Variants in RANBP17 observed in about 807,000 individuals in gnomAD.
The protein encoded by RANBP17 is ran-binding protein 17.
Under a neutral mutation model 141.2 loss-of-function variants are expected in RANBP17, and 158 were observed. That is an observed-to-expected ratio of 1.12 (90% CI 0.98 to 1.28). RANBP17 has a LOEUF of 1.28. Ranked by LOEUF, RANBP17 falls within the 50% of genes most tolerant of loss-of-function variation. RANBP17 has a pLI of 0.00. For synonymous variants in RANBP17, 430 were observed against 450.0 expected (o/e 0.96, Z 0.56); for missense variants, 1,438 against 1,290.7 (o/e 1.11, Z -1.75).
chr5:171,012,564 GTATC>G lies in RANBP17; in HGVS notation c.1710+44189_1710+44192del, dbSNP rs896473174. ...TTACTGAGAAGAATCATTGGGCAAA[GTATC>G]TCTTCATCTTTTAAGAAGTTTGCTT... is the stretch of plus-strand genomic sequence containing the variant. On this transcript the variant is annotated intron_variant, in intron 14 of 27. Transcript: ENST00000523189. 1.6e-4 allele frequency among the ~76,000 whole-genome samples: 25 copies of G among 152,230 alleles called. No homozygotes were observed. In the East Asian group the frequency reaches 4.8e-3, roughly 29 times the overall value.
intron 14 of RANBP17, among the ~76,000 whole-genome samples, chr5:171,004,476 C>A (rs1485970557): frequency 6.6e-6 from 1 of 152,066 alleles, no homozygotes; most frequent in African/African-American, 2.4e-5. Flanking sequence ...GCCATCAATA[C>A]CCACAACAGT....
intron 14 of RANBP17, among the ~76,000 whole-genome samples, chr5:171,057,783 G>T (rs529047855): frequency 6.6e-6 from 1 of 152,002 alleles, no homozygotes; most frequent in Non-Finnish European, 1.5e-5. Context: ...GTGCAAGCAG[G>T]GGTAATGCCA....
intron 14 of RANBP17, among the ~76,000 whole-genome samples, chr5:170,997,916 A>G (rs1309751509): frequency 6.6e-6 from 1 of 152,044 alleles, no homozygotes; most frequent in African/African-American, 2.4e-5. Flanking sequence ...TGTATTTTCC[A>G]GTATTATTTC....
chr5:170,946,669 G>C (rs969232191), intron 12 of RANBP17, among the ~76,000 whole-genome samples: 1 of 152,002 alleles, frequency 6.6e-6, no homozygotes, highest in Non-Finnish European at 1.5e-5. Flanking sequence ...ACCTTATTCA[G>C]TATATATTGT....
chr5:171,258,179 C>A (rs1766050364), intron 24 of RANBP17, among the ~76,000 whole-genome samples: 1 of 144,774 alleles, frequency 6.9e-6, no homozygotes, highest in African/African-American at 2.5e-5. Context: ...ATGCATTTAA[C>A]CAAGAAGGTG....
At chr5:171,068,331 T>C (rs970764702) in intron 14 of RANBP17, among the ~76,000 whole-genome samples, 1 of 152,218 alleles carries the variant, frequency 6.6e-6, no homozygotes, top group Non-Finnish European at 1.5e-5. Context: ...TCATTCCTGT[T>C]CCATGCTTTT....
At chr5:170,935,351 C>T (rs143484274) in intron 12 of RANBP17, among the ~76,000 whole-genome samples, 1,777 of 152,294 alleles carry the variant, frequency 0.012, 31 homozygotes, top group African/African-American at 0.041. Flanking sequence ...CCGTTGCTGG[C>T]GAGGAGCTGC....
At chr5:170,997,498 C>T (rs1406805007) in intron 14 of RANBP17, among the ~76,000 whole-genome samples, 2 of 152,134 alleles carry the variant, frequency 1.3e-5, no homozygotes, top group Non-Finnish European at 2.9e-5. Context: ...CCTCCCAGTC[C>T]ACATAGTAAA....
At chr5:171,077,510 C>T (rs779663) in intron 14 of RANBP17, among the ~76,000 whole-genome samples, 90,172 of 151,848 alleles carry the variant, frequency 0.59, 28,719 homozygotes, top group South Asian at 0.88. Flanking sequence ...AATTTAAAAT[C>T]GCCCTAAAAG....
At chr5:171,090,274 A>T (rs2127726783) in intron 14 of RANBP17, among the ~76,000 whole-genome samples, 1 of 152,314 alleles carries the variant, frequency 6.6e-6, no homozygotes, top group South Asian at 2.1e-4. Flanking sequence ...ACTGGAGCAA[A>T]GGTGACTCTT....
At chr5:170,966,223 G>A (rs906399573) in intron 13 of RANBP17, among the ~76,000 whole-genome samples, 4 of 151,678 alleles carry the variant, frequency 2.6e-5, no homozygotes, top group African/African-American at 7.3e-5. Flanking sequence ...TACCAAAGCC[G>A]GGCAGAGACA....
rs762058255 is a variant in RANBP17, at chr5:170,918,760, T to C, written c.1002T>C (p.Ala334=). 3 of 1,607,680 alleles carry C rather than the reference T, an allele frequency of 1.9e-6. No homozygotes were observed. In the South Asian group the frequency reaches 3.3e-5, roughly 18 times the overall value. Residue 334 remains alanine, a synonymous_variant, in exon 10 of 28, where the codon GCT becomes GCC. Coordinates refer to ENST00000523189, the MANE Select transcript of RANBP17 (RefSeq NM_022897.5). ...ATCATGAATTTTGTCGATTTTTGGCTCGTTTAAAGACAAATTATCAGCTGG... is the reference window on the plus strand; with the variant it reads ...ATCATGAATTTTGTCGATTTTTGGCCCGTTTAAAGACAAATTATCAGCTGG... ...GNYHEFCRFL[A]RLKTNYQLGE...
intron 24 of RANBP17, among the ~76,000 whole-genome samples, chr5:171,245,344 C>T (rs762098461): frequency 6.6e-6 from 1 of 152,070 alleles, no homozygotes; most frequent in Non-Finnish European, 1.5e-5. Context: ...GACAGAGCTT[C>T]GCTCTTGTTG....
At chr5:171,214,740 TA>T (rs1561770837) in intron 21 of RANBP17, among the ~76,000 whole-genome samples, 1 of 152,180 alleles carries the variant, frequency 6.6e-6, no homozygotes, top group Non-Finnish European at 1.5e-5. Context: ...TATTTTATAT[TA>T]AAAATTTAGT....
intron 14 of RANBP17, among the ~76,000 whole-genome samples, chr5:171,148,443 A>T (rs1462190449): frequency 6.6e-6 from 1 of 152,238 alleles, no homozygotes; most frequent in Non-Finnish European, 1.5e-5. Context: ...ACTTTAATTA[A>T]TAGAACCTCA....
intron 14 of RANBP17, among the ~76,000 whole-genome samples, chr5:171,058,439 GCTGA>G (rs1783563062): frequency 6.7e-6 from 1 of 150,200 alleles, no homozygotes; most frequent in Non-Finnish European, 1.5e-5. Context: ...GTGATAGTTT[GCTGA>G]GAATGATGAT....
Position 171,051,747 on chromosome 5 carries a change from T to C in RANBP17, c.1710+83370T>C, listed in dbSNP as rs140970729. On this transcript the variant is annotated intron_variant, in intron 14 of 27. Coordinates refer to ENST00000523189, the MANE Select transcript of RANBP17 (RefSeq NM_022897.5). ...GACATATATTTTCATTTCTCTTGGG[T>C]ATATACATAAAAGTAGAGTTGCTAA... is the stretch of plus-strand genomic sequence containing the variant. Among the ~76,000 whole-genome samples the C allele has an allele frequency of 6.5e-3, 988 of 152,266 alleles. 11 individuals carry two copies. Among genetic ancestry groups the C allele is most frequent in the African/African-American group, 0.023 (938 of 41,568 alleles).
intron 13 of RANBP17, among the ~76,000 whole-genome samples, chr5:170,959,797 AG>A (rs1234630820): frequency 3.3e-5 from 5 of 152,230 alleles, no homozygotes; most frequent in Non-Finnish European, 7.4e-5. Flanking sequence ...CTGTTCATTA[AG>A]TGGATCTTCA....
At chr5:171,274,702 G>A (rs1561821170) in intron 25 of RANBP17, among the ~76,000 whole-genome samples, 1 of 152,256 alleles carries the variant, frequency 6.6e-6, no homozygotes, top group East Asian at 1.9e-4. Flanking sequence ...GACACTTCAT[G>A]ATAGTCAATA....
Sources: allele counts gnomAD v4.1 joint callset (sites outside exome capture counted in the v4.1 genomes callset), GRCh38; gene constraint gnomAD v4.1.1; transcripts MANE v1.5; gene names NCBI Gene and HGNC (gene_info 2026-07-23, HGNC 2026-07-21).